RBM19: variants seen among roughly 807,000 people sequenced by gnomAD.
The protein encoded by RBM19 is RNA binding motif protein 19, also known as probable RNA-binding protein 19.
RBM19 carries 94 observed loss-of-function variants against 116.8 expected under a neutral mutation model. The observed-to-expected ratio is 0.80, with a 90% CI of 0.68 to 0.95. RBM19 has a LOEUF of 0.95. Ranked by LOEUF, RBM19 falls within the 40% of genes least tolerant of loss-of-function variation. The pLI is 0.00. For missense variants in RBM19, 1,161 were observed against 1,220.7 expected, an observed-to-expected ratio of 0.95 and a Z score of 0.73; for synonymous variants, 475 against 494.1, an observed-to-expected ratio of 0.96 and a Z score of 0.51.
chr12:113,936,521 C>A (rs1387594827), intron 16 of RBM19, among the ~76,000 whole-genome samples: 1 of 152,232 alleles, frequency 6.6e-6, no homozygotes, highest in African/African-American at 2.4e-5. Context: ...CCCAATGATA[C>A]CCCTTTTCCC....
intron 21 of RBM19, among the ~76,000 whole-genome samples, chr12:113,889,131 C>T (rs1209338152): frequency 2.6e-5 from 4 of 152,226 alleles, no homozygotes; most frequent in Non-Finnish European, 5.9e-5. Flanking sequence ...TCCCTACAGG[C>T]CACAGTCTCT....
At chr12:113,919,030 A>G (rs982528967) in intron 19 of RBM19, among the ~76,000 whole-genome samples, 2 of 152,340 alleles carry the variant, frequency 1.3e-5, no homozygotes. Flanking sequence ...GTGCAAAGTG[A>G]AATTTCATAG....
chr12:113,897,413 A>T (rs1881412354), intron 21 of RBM19, among the ~76,000 whole-genome samples: 1 of 152,170 alleles, frequency 6.6e-6, no homozygotes. Context: ...TAATCCATCT[A>T]CTTTGGCCTC....
intron 23 of RBM19, among the ~76,000 whole-genome samples, chr12:113,832,774 A>G (rs1015881201): frequency 3.9e-5 from 6 of 152,234 alleles, no homozygotes; most frequent in African/African-American, 1.4e-4. Context: ...GATATTTTGA[A>G]TAACAAATTC....
intron 21 of RBM19, among the ~76,000 whole-genome samples, chr12:113,876,406 C>G (rs1489575431): frequency 2.0e-5 from 3 of 152,222 alleles, no homozygotes; most frequent in African/African-American, 7.2e-5. Context: ...GGACAATGGT[C>G]TCCATGCTCA....
In RBM19 at chr12:113,823,322, CTGTG is replaced by C. The variant is rs777955843; in HGVS notation, c.2786-5_2786-2del. ...ACAGACCGCTTTTTCTTCGGGGGCT[CTGTG>C]GGAGCCCAGATGGCAAGAGAGGAGA... On this transcript the variant is annotated splice_acceptor_variant and splice_polypyrimidine_tract_variant and intron_variant, in intron 23 of 23. Transcript: ENST00000261741. LOFTEE classifies it high-confidence loss of function. The C allele has an allele frequency of 3.1e-6, 5 of 1,612,554 alleles. No homozygotes were observed. Among genetic ancestry groups the C allele is most frequent in the Admixed American group, 1.7e-5 (1 of 60,020 alleles).
chr12:113,911,861 A>T (rs902044696), intron 21 of RBM19, among the ~76,000 whole-genome samples: 6 of 152,198 alleles, frequency 3.9e-5, no homozygotes, highest in African/African-American at 1.4e-4. Flanking sequence ...AAATTAGTGT[A>T]TGTTATCACT....
chr12:113,915,179 G>C, intron 20 of RBM19, 94 bp from the exon 21 acceptor site: 1 of 1,048,708 alleles, frequency 9.5e-7, no homozygotes. Flanking sequence ...GAATATTCAG[G>C]TGATGGATTC....
chr12:113,924,689 C>T lies in RBM19; in HGVS notation c.2305+8G>A, dbSNP rs535822204. On this transcript the variant is annotated splice_region_variant and intron_variant, in intron 18 of 23. Coordinates refer to ENST00000261741, the MANE Select transcript of RBM19 (RefSeq NM_016196.4). ...TACTGAACACTTTCCGAATTTCATG[C>T]GGAATACCTGCTTTGTTCTTCTTCT... The T allele has an allele frequency of 1.4e-5, 21 of 1,536,314 alleles. No individual in the cohort carries two copies. The highest frequency in any genetic ancestry group is 6.8e-5 in the African/African-American group (5 of 73,208).
intron 11 of RBM19, 128 bp downstream of exon 11, chr12:113,947,206 C>A: frequency 8.3e-7 from 1 of 1,209,864 alleles, no homozygotes; most frequent in East Asian, 2.4e-5. Flanking sequence ...ACTTAGCATG[C>A]CATTGCACAT....
chr12:113,859,304 C>A (rs1331186446), intron 21 of RBM19, among the ~76,000 whole-genome samples: 3 of 152,212 alleles, frequency 2.0e-5, no homozygotes, highest in Non-Finnish European at 4.4e-5. Context: ...GGGCTCTGGA[C>A]ATGTGATCAG....
chr12:113,833,825 C>G (rs11066779), intron 23 of RBM19, among the ~76,000 whole-genome samples: 33,831 of 152,106 alleles, frequency 0.22, 4,070 homozygotes, highest in Middle Eastern at 0.34. Flanking sequence ...CTTGCTGCAG[C>G]CTCGAACTCC....
At chr12:113,887,728 C>G (rs1233256140) in intron 21 of RBM19, among the ~76,000 whole-genome samples, 1 of 151,482 alleles carries the variant, frequency 6.6e-6, no homozygotes, top group East Asian at 2.0e-4. Flanking sequence ...GGCACCCAAC[C>G]TTTTTGTGTG....
intron 21 of RBM19, among the ~76,000 whole-genome samples, chr12:113,909,340 C>T (rs1403484169): frequency 1.3e-5 from 2 of 150,402 alleles, no homozygotes; most frequent in Admixed American, 6.6e-5. Context: ...AGCATAGTCT[C>T]GAACTCCTAG....
In RBM19 at chr12:113,966,282, A is replaced by C; in HGVS notation, c.-55T>G. On this transcript the variant is annotated 5_prime_UTR_variant, in exon 1 of 24. Transcript: ENST00000261741. ...ACACGACTGGTCAGCGTCTTCCACC[A>C]AGTTTCACGCTACCGCCCTGGGCGC... 1 of 1,611,160 alleles carries C rather than the reference A, an allele frequency of 6.2e-7. No homozygotes were observed. The highest frequency in any genetic ancestry group is 8.5e-7 in the Non-Finnish European group (1 of 1,177,322).
chr12:113,962,257 C>T lies in RBM19; in HGVS notation c.194G>A (p.Ser65Asn). The change falls in exon 2 of 24, where the codon AGC (serine) becomes AAC (asparagine). Residue 65 changes from serine to asparagine, a missense_variant. Physicochemically the swap from Ser to Asn is conservative, Grantham distance 46. Coordinates refer to ENST00000261741, the MANE Select transcript of RBM19 (RefSeq NM_016196.4). The stretch of plus-strand genomic sequence containing the variant: ...TGTGATCCGGGATGTGTCGATGAAG[C>T]TCTTGTTGAAATGCTTCTGTGCCTT... ...AQKAQKHFNK[S>N]FIDTSRITVE... 3 of 1,614,260 alleles carry T rather than the reference C, an allele frequency of 1.9e-6. No individual in the cohort carries two copies. In the South Asian group the frequency reaches 3.3e-5, roughly 18 times the overall value.
At chr12:113,952,459 T>A (rs1271041856) in intron 8 of RBM19, 53 bp downstream of exon 8, 67 of 1,505,922 alleles carry the variant, frequency 4.4e-5, no homozygotes, top group Non-Finnish European at 9.2e-7. Flanking sequence ...TACCCCAACC[T>A]TCAATCTTCA....
chr12:113,896,580 C>T (rs770685000), intron 21 of RBM19, among the ~76,000 whole-genome samples: 3 of 152,220 alleles, frequency 2.0e-5, no homozygotes, highest in Non-Finnish European at 4.4e-5. Flanking sequence ...ATTGAGATGG[C>T]TGCAGGCAGG....
chr12:113,944,093 G>GTTTTTATTTTTTTT (rs1870808733), intron 13 of RBM19, among the ~76,000 whole-genome samples: 1 of 67,668 alleles, frequency 1.5e-5, no homozygotes, highest in African/African-American at 6.3e-5. Context: ...CCAGATGCAT[G>GTTTTTATTTTTTTT]TTTTTTTTTT....
Sources: gnomAD v4.1 joint callset for allele counts (sites outside exome capture counted in the v4.1 genomes callset) on GRCh38, gnomAD v4.1.1 for gene constraint, MANE v1.5 for transcripts, NCBI Gene and HGNC (gene_info 2026-07-23, HGNC 2026-07-21) for gene names.